The following GAB2 variants were observed in gnomAD, a reference collection of about 807,000 sequenced individuals.
GAB2 encodes the protein GRB2 associated binding protein 2.
In GAB2, 26 loss-of-function variants were observed where a neutral mutation model predicts 65.5. The observed-to-expected ratio is 0.40, with a 90% CI of 0.29 to 0.55. GAB2 has a LOEUF of 0.55. Ranked by LOEUF, GAB2 falls within the 20% of genes least tolerant of loss-of-function variation. GAB2 has a pLI of 0.53. For synonymous variants in GAB2, 321 were observed against 329.6 expected (o/e 0.97, Z 0.28); for missense variants, 884 against 875.8 (o/e 1.01, Z -0.12).
chr11:78,312,742 T>G (rs1203655147), intron 1 of GAB2, among the ~76,000 whole-genome samples: 1 of 152,166 alleles, frequency 6.6e-6, no homozygotes, highest in Non-Finnish European at 1.5e-5. Flanking sequence ...TATCCAATTT[T>G]AAAGATGAAG....
chr11:78,221,761 G>A lies in GAB2; in HGVS notation c.1677C>T (p.Ser559=), dbSNP rs1478325590. 6.2e-6 allele frequency: 10 copies of A among 1,613,166 alleles called. No individual in the cohort carries two copies. The East Asian group carries it at 2.2e-4, about 36-fold the overall frequency. The part of the protein sequence containing the change: ...WSRANHTFNS[S]SSQYCRPIST... ...AGATGGGGCGGCAGTACTGGGAGGA[G>A]CTGGAGTTGAAGGTGTGGCTGTTGT... Residue 559 remains serine (S), a synonymous_variant, in exon 8 of 10, where the codon AGC becomes AGT. Coordinates refer to ENST00000361507, the MANE Select transcript of GAB2 (RefSeq NM_080491.3).
At chr11:78,331,644 C>G (rs1309272449) in intron 1 of GAB2, among the ~76,000 whole-genome samples, 1 of 152,160 alleles carries the variant, frequency 6.6e-6, no homozygotes, top group Non-Finnish European at 1.5e-5. Context: ...GAGTTGCTAT[C>G]CTTACCACAG....
chr11:78,388,309 A>G (rs1030241482), intron 1 of GAB2, among the ~76,000 whole-genome samples: 4 of 151,856 alleles, frequency 2.6e-5, no homozygotes, highest in African/African-American at 7.3e-5. Flanking sequence ...GATCACAAAC[A>G]TGAGCCACTG....
At chr11:78,315,450 G>T (rs114411281) in intron 1 of GAB2, among the ~76,000 whole-genome samples, 2,209 of 152,228 alleles carry the variant, frequency 0.015, 57 homozygotes, top group African/African-American at 0.051. Flanking sequence ...AGCAAATGGT[G>T]CTGGGAAAAC....
intron 1 of GAB2, among the ~76,000 whole-genome samples, chr11:78,398,653 T>C (rs1856933005): frequency 6.6e-6 from 1 of 152,204 alleles, no homozygotes; most frequent in South Asian, 2.1e-4. Context: ...AATAAAGTGA[T>C]AACTGATGTT....
At chr11:78,392,591 G>A (rs1856848081) in intron 1 of GAB2, among the ~76,000 whole-genome samples, 1 of 152,176 alleles carries the variant, frequency 6.6e-6, no homozygotes, top group Non-Finnish European at 1.5e-5. Flanking sequence ...AGTCTGAGGA[G>A]GCAGGGGAGA....
Position 78,348,204 on chromosome 11 carries a change from C to A in GAB2, c.76-67303G>T, listed in dbSNP as rs1856220989. Among the ~76,000 whole-genome samples the A allele has an allele frequency of 2.6e-5, 4 of 152,092 alleles. No individual in the cohort carries two copies. The South Asian group carries it at 8.3e-4, about 32-fold the overall frequency. On this transcript the variant is annotated intron_variant, in intron 1 of 9. Transcript: ENST00000361507. ...GGGGAGGAAGGGGAGGCAGGAGAGG[C>A]AAGCACACTCAGTGTCACTTTTACT...
chr11:78,331,248 C>CTT (rs200423408), intron 1 of GAB2, among the ~76,000 whole-genome samples: 52 of 141,986 alleles, frequency 3.7e-4, no homozygotes, highest in African/African-American at 1.1e-3. Flanking sequence ...ATTCTCCATT[C>CTT]TTTTTTTTTT....
intron 1 of GAB2, 37 bp from the exon 2 acceptor site, chr11:78,280,938 G>A (rs112572936): frequency 6.5e-7 from 1 of 1,537,802 alleles, no homozygotes; most frequent in Non-Finnish European, 8.9e-7. Context: ...AGAGGGGGAA[G>A]AAGTCATTAG....
intron 1 of GAB2, among the ~76,000 whole-genome samples, chr11:78,297,198 G>C (rs1484225263): frequency 6.6e-6 from 1 of 152,112 alleles, no homozygotes; most frequent in Non-Finnish European, 1.5e-5. Context: ...AATGATAAAG[G>C]TAAGTTTGGT....
intron 1 of GAB2, among the ~76,000 whole-genome samples, chr11:78,310,766 C>T (rs570022709): frequency 4.1e-4 from 62 of 152,298 alleles, no homozygotes; most frequent in Admixed American, 4.1e-3. Context: ...ATGTGTGTTA[C>T]AGCTGCAGCT....
At chr11:78,292,069 A>T (rs932778904) in intron 1 of GAB2, among the ~76,000 whole-genome samples, 2 of 151,914 alleles carry the variant, frequency 1.3e-5, no homozygotes, top group South Asian at 2.1e-4. Flanking sequence ...GTGAATTTTT[A>T]AAAAATAAGG....
intron 1 of GAB2, among the ~76,000 whole-genome samples, chr11:78,319,481 A>G (rs1855680983): frequency 6.6e-6 from 1 of 152,216 alleles, no homozygotes; most frequent in African/African-American, 2.4e-5. Context: ...AAAGTGGTAG[A>G]GTTTCTGTTC....
chr11:78,394,201 T>C (rs919061028), intron 1 of GAB2, among the ~76,000 whole-genome samples: 2 of 152,176 alleles, frequency 1.3e-5, no homozygotes, highest in African/African-American at 4.8e-5. Flanking sequence ...GGCAGGAGAA[T>C]GGCGTGAACC....
chr11:78,355,832 C>A (rs1034890868), intron 1 of GAB2, among the ~76,000 whole-genome samples: 1 of 151,990 alleles, frequency 6.6e-6, no homozygotes, highest in Non-Finnish European at 1.5e-5. Flanking sequence ...CCTTATAGGA[C>A]CCTGGCTGGG....
chr11:78,292,826 C>T (rs1044038063), intron 1 of GAB2, among the ~76,000 whole-genome samples: 5 of 152,188 alleles, frequency 3.3e-5, no homozygotes, highest in Non-Finnish European at 7.3e-5. Flanking sequence ...TTGCTACCTG[C>T]CATGTGCTTT....
At chr11:78,288,397 AAGAAGAAGAAG>A (rs1866550840) in intron 1 of GAB2, among the ~76,000 whole-genome samples, 1 of 110,358 alleles carries the variant, frequency 9.1e-6, no homozygotes. Flanking sequence ...AAAAAAAAAA[AAGAAGAAGAAG>A]AAGAAGAAAG....
rs117937763 is a variant in GAB2, at chr11:78,392,991, G to T, written c.75+24655C>A. On this transcript the variant is annotated intron_variant, in intron 1 of 9. Transcript: ENST00000361507. Reference sequence around the variant, plus strand: ...AGAAAAGAAAGATGACTATCCTTGAGAAGTCCCCATAATTAAGAGAAGAGA... The same window carrying T: ...AGAAAAGAAAGATGACTATCCTTGATAAGTCCCCATAATTAAGAGAAGAGA... 5.7e-3 allele frequency among the ~76,000 whole-genome samples: 867 copies of T among 152,306 alleles called. 8 individuals are homozygous for T. Among genetic ancestry groups the T allele is most frequent in the South Asian group, 0.015 (72 of 4,828 alleles).
At chr11:78,234,255 G>C (rs1443935795) in intron 3 of GAB2, among the ~76,000 whole-genome samples, 2 of 152,064 alleles carry the variant, frequency 1.3e-5, no homozygotes, top group Middle Eastern at 3.2e-3. Context: ...GCTACTTTTT[G>C]TATTTTCTGT....
Sources: allele counts gnomAD v4.1 joint callset (sites outside exome capture counted in the v4.1 genomes callset), GRCh38; gene constraint gnomAD v4.1.1; transcripts MANE v1.5; gene names NCBI Gene and HGNC (gene_info 2026-07-23, HGNC 2026-07-21).